Variants in VAC14 observed in about 807,000 individuals in gnomAD.
VAC14 encodes the protein protein VAC14 homolog.
A neutral mutation model predicts 85.3 loss-of-function variants in VAC14; 47 were observed. The ratio of observed to expected loss-of-function variants is 0.55; its 90% CI spans 0.44 to 0.70. The LOEUF is 0.70. Ranked by LOEUF, VAC14 falls within the 30% of genes least tolerant of loss-of-function variation. VAC14 has a pLI of 0.00. For synonymous variants in VAC14, 447 were observed against 430.5 expected (o/e 1.04, Z -0.47); for missense variants, 861 against 1,004.3 (o/e 0.86, Z 1.93).
At position 70,750,250 on chromosome 16, in the gene VAC14, T is replaced by C. The variant is rs113723516; in HGVS notation, c.1372-5671A>G. Among the ~76,000 whole-genome samples the C allele has an allele frequency of 5.9e-5, 9 of 152,262 alleles. 1 individual carries two copies. Among genetic ancestry groups the C allele is most frequent in the African/African-American group, 2.2e-4 (9 of 41,540 alleles). ...GGGCCTGTAGTCCTGGCTCTGACGA[T>C]GAGAAAAGGCTCAAAGAAAGCGGGA... On this transcript the variant is annotated intron_variant, in intron 12 of 18. Transcript: ENST00000261776.
intron 14 of VAC14, among the ~76,000 whole-genome samples, chr16:70,728,184 G>A (rs1257826100): frequency 6.6e-6 from 1 of 152,174 alleles, no homozygotes; most frequent in South Asian, 2.1e-4. Flanking sequence ...CCCATGGCAG[G>A]TTTGAGCCCC....
chr16:70,752,252 C>T (rs991280728), intron 12 of VAC14, among the ~76,000 whole-genome samples: 8 of 152,236 alleles, frequency 5.3e-5, no homozygotes, highest in African/African-American at 1.9e-4. Flanking sequence ...CACTGATTAA[C>T]AGTGACAGCA....
At chr16:70,692,385 G>C (rs976581734) in intron 18 of VAC14, among the ~76,000 whole-genome samples, 3 of 152,052 alleles carry the variant, frequency 2.0e-5, no homozygotes, top group African/African-American at 7.2e-5. Flanking sequence ...CAGACAGGGT[G>C]GGGAGGGGCT....
chr16:70,792,060 G>T (rs559683982), intron 1 of VAC14, among the ~76,000 whole-genome samples: 2 of 152,314 alleles, frequency 1.3e-5, no homozygotes, highest in South Asian at 4.1e-4. Context: ...CCGGGGAAAG[G>T]TGCACCGGCT....
At position 70,783,462 on chromosome 16, in the gene VAC14, G is replaced by A; in HGVS notation, c.687C>T (p.Gly229=). Residue 229 remains glycine (G), a synonymous_variant, in exon 6 of 19, where the codon GGC becomes GGT. Transcript: ENST00000261776. ...CCACTCACATTTTGCGAATCTCTTT[G>A]CCATTGTCACCCAGGATCTGGAAGA... ...DGLFQILGDN[G]KEIRKMCEVV... The A allele has an allele frequency of 6.2e-7, 1 of 1,614,086 alleles. No individual in the cohort carries two copies. The highest frequency in any genetic ancestry group is 8.5e-7 in the Non-Finnish European group (1 of 1,180,028).
Position 70,800,867 on chromosome 16 carries a change from G to C in VAC14, c.34C>G (p.Pro12Ala). 6.2e-7 allele frequency: 1 copy of C among 1,605,958 alleles called. No homozygotes were observed. Among genetic ancestry groups the C allele is most frequent in the Non-Finnish European group, 8.5e-7 (1 of 1,176,134 alleles). ...NPEKDFAPLT[P>A]NIVRALNDKL... ...TCATTGAGGGCGCGCACGATGTTAG[G>C]CGTGAGCGGCGCGAAATCCTTCTCG... The change falls in exon 1 of 19, where the codon CCT (proline) becomes GCT (alanine). Residue 12 changes from proline to alanine, a missense_variant. By Grantham distance (27) the Pro-to-Ala change is conservative. Coordinates refer to ENST00000261776, the MANE Select transcript of VAC14 (RefSeq NM_018052.5).
At chr16:70,731,162 C>G (rs1404632079) in intron 14 of VAC14, 1 of 548,670 alleles carries the variant, frequency 1.8e-6, no homozygotes, top group Non-Finnish European at 2.4e-6. Context: ...CCCCATGTCC[C>G]ACGCCATCTG....
At position 70,763,030 on chromosome 16, in the gene VAC14, G is replaced by T; in HGVS notation, c.1161-5C>A. 1 of 1,614,148 alleles carries T rather than the reference G, an allele frequency of 6.2e-7. No individual in the cohort carries two copies. The highest frequency in any genetic ancestry group is 1.1e-5 in the South Asian group (1 of 91,074). ...GTCACTGGGGCTCTTTCAGTGCTGT[G>T]GGTAAGATCGGGAGGGAGAGCAGAG... On this transcript the variant is annotated splice_polypyrimidine_tract_variant and splice_region_variant and intron_variant, in intron 10 of 18. Coordinates refer to ENST00000261776, the MANE Select transcript of VAC14 (RefSeq NM_018052.5).
At chr16:70,793,383 C>A (rs1290504923) in intron 1 of VAC14, among the ~76,000 whole-genome samples, 1 of 152,156 alleles carries the variant, frequency 6.6e-6, no homozygotes, top group Non-Finnish European at 1.5e-5. Flanking sequence ...ACCATTACAC[C>A]CATTTTACAG....
rs114445908 is a variant in VAC14 at position 70,793,864 on chromosome 16, G to A, written c.104+6933C>T. ...AGCTGTGATCTTATACATAGCACACGAGGTTGTGCTCATTCCATAAATGTT... is the reference window on the plus strand; with the variant it reads ...AGCTGTGATCTTATACATAGCACACAAGGTTGTGCTCATTCCATAAATGTT... On this transcript the variant is annotated intron_variant, in intron 1 of 18. Coordinates refer to ENST00000261776, the MANE Select transcript of VAC14 (RefSeq NM_018052.5). Among the ~76,000 whole-genome samples, 386 of 152,336 alleles carry A rather than the reference G, an allele frequency of 2.5e-3. 3 individuals carry two copies. Among genetic ancestry groups the A allele is most frequent in the African/African-American group, 8.8e-3 (364 of 41,576 alleles).
chr16:70,691,780 T>C (rs2053600435), intron 18 of VAC14: 1 of 985,280 alleles, frequency 1.0e-6, no homozygotes, highest in Non-Finnish European at 1.2e-6. Flanking sequence ...CACTCAGCCA[T>C]CCGAGGGCCA....
rs765468875 is a variant in VAC14 at position 70,762,594 on chromosome 16, G to T, written c.1317C>A (p.His439Gln). 1.2e-6 allele frequency: 2 copies of T among 1,614,128 alleles called. No individual in the cohort carries two copies. The highest frequency in any genetic ancestry group is 2.2e-5 in the South Asian group (2 of 91,056). The change falls in exon 12 of 19, where the codon CAC becomes CAA. Residue 439 changes from histidine (H) to glutamine (Q), a missense_variant. By Grantham distance (24) the His-to-Gln change is conservative. This residue lies in a region of VAC14 where 629 missense variants were observed against 703.1 expected (regional missense o/e 0.89). Transcript: ENST00000261776. The surrounding 1 kb of genome is among the most constrained non-coding windows in gnomAD (Gnocchi z 4.1). Reference protein sequence around the residue: ...YIKTPRKMFRHTDSLFPILLQ... With the variant: ...YIKTPRKMFRQTDSLFPILLQ... ...GTAGGATGGGAAAGAGGCTGTCCGT[G>T]TGCCGGAACATCTGGAGGGCAGAGA...
At chr16:70,731,742 T>C (rs752005517) in intron 13 of VAC14, 115 bp from the exon 14 acceptor site, 1 of 1,137,516 alleles carries the variant, frequency 8.8e-7, no homozygotes, top group South Asian at 2.2e-5. Context: ...TGGGGGGTGT[T>C]ATAACAAGAT....
chr16:70,740,251 G>A (rs534743872), intron 13 of VAC14, among the ~76,000 whole-genome samples: 2 of 152,318 alleles, frequency 1.3e-5, no homozygotes, highest in South Asian at 2.1e-4. Context: ...GTGAGCCAAC[G>A]TGGCTTACGA....
At chr16:70,752,417 C>T (rs1460030082) in intron 12 of VAC14, among the ~76,000 whole-genome samples, 1 of 152,246 alleles carries the variant, frequency 6.6e-6, no homozygotes, top group African/African-American at 2.4e-5. Flanking sequence ...AAGGTCTCCC[C>T]TCCTTCCAGC....
chr16:70,762,398 G>A lies in VAC14; in HGVS notation c.1371+142C>T. ...GCTGGAAAAACAGGTGTGAGCCACTGCACCTGGCCCCAAAGTGAGTATTAA... is the reference window on the plus strand; with the variant it reads ...GCTGGAAAAACAGGTGTGAGCCACTACACCTGGCCCCAAAGTGAGTATTAA... On this transcript the variant is annotated intron_variant, in intron 12 of 18. Coordinates refer to ENST00000261776, the MANE Select transcript of VAC14 (RefSeq NM_018052.5). The surrounding 1 kb of genome is among the most constrained non-coding windows in gnomAD (Gnocchi z 4.1). 2.3e-6 allele frequency: 2 copies of A among 869,898 alleles called. No individual in the cohort carries two copies. Among genetic ancestry groups the A allele is most frequent in the East Asian group, 2.8e-5 (1 of 35,800 alleles). 53.9% of individuals were successfully genotyped at this position (869,898 alleles called of 1,614,324 possible).
intron 14 of VAC14, among the ~76,000 whole-genome samples, chr16:70,725,391 C>G (rs1312664890): frequency 6.6e-6 from 1 of 152,266 alleles, no homozygotes; most frequent in Non-Finnish European, 1.5e-5. Flanking sequence ...TGCACGAGGC[C>G]AGCAAAGTGG....
At chr16:70,790,991 G>A (rs941266483) in intron 1 of VAC14, among the ~76,000 whole-genome samples, 2 of 152,218 alleles carry the variant, frequency 1.3e-5, no homozygotes, top group Non-Finnish European at 2.9e-5. Context: ...TGGGCCACCG[G>A]CAGGAAGAAT....
rs1430868704 is a variant in VAC14, at chr16:70,749,762, C to T, written c.1372-5183G>A. 9.9e-5 allele frequency among the ~76,000 whole-genome samples: 15 copies of T among 152,208 alleles called. No homozygotes were observed. The East Asian group carries it at 2.1e-3, about 21-fold the overall frequency. On this transcript the variant is annotated intron_variant, in intron 12 of 18. Coordinates refer to ENST00000261776, the MANE Select transcript of VAC14 (RefSeq NM_018052.5). Reference sequence around the variant, plus strand: ...ACCCGGCTTCTGTGCCCCTCCAGTCCGGCTGCTGCTTCGCTCCCAGTTGCT... The same window carrying T: ...ACCCGGCTTCTGTGCCCCTCCAGTCTGGCTGCTGCTTCGCTCCCAGTTGCT...
Sources: gnomAD v4.1 joint callset for allele counts (sites outside exome capture counted in the v4.1 genomes callset) on GRCh38, gnomAD v4.1.1 for gene constraint, gnomAD v4.1.1 regional missense constraint, Gnocchi (gnomAD v3.1) non-coding constraint, MANE v1.5 for transcripts, NCBI Gene and HGNC (gene_info 2026-07-23, HGNC 2026-07-21) for gene names.